Variants in KCNC2 observed in about 807,000 individuals in gnomAD.
The protein encoded by KCNC2 is voltage-gated potassium channel KCNC2.
Under a neutral mutation model 44.5 loss-of-function variants are expected in KCNC2, and 21 were observed. The ratio of observed to expected loss-of-function variants is 0.47; its 90% CI spans 0.33 to 0.68. KCNC2 has a LOEUF of 0.68. KCNC2 is among the 30% of genes least tolerant of loss of function. The pLI, the probability that KCNC2 is intolerant of heterozygous loss-of-function variation, is 0.01. For synonymous variants in KCNC2, 391 were observed against 339.1 expected, an observed-to-expected ratio of 1.15 and a Z score of -1.68; for missense variants, 589 against 826.2, an observed-to-expected ratio of 0.71 and a Z score of 3.52.
intron 2 of KCNC2, among the ~76,000 whole-genome samples, chr12:75,166,366 G>T (rs1207648500): frequency 1.3e-5 from 2 of 150,498 alleles, no homozygotes; most frequent in Non-Finnish European, 3.0e-5. Flanking sequence ...TGCAGTTAGT[G>T]ACTTCAATAT....
intron 3 of KCNC2, among the ~76,000 whole-genome samples, chr12:75,049,931 A>T (rs1380308905): frequency 6.6e-6 from 1 of 152,088 alleles, no homozygotes; most frequent in East Asian, 1.9e-4. Flanking sequence ...ATTCTTCTTA[A>T]ATAACTGCTT....
At chr12:75,174,126 C>T (rs1336864112) in intron 2 of KCNC2, among the ~76,000 whole-genome samples, 1 of 140,256 alleles carries the variant, frequency 7.1e-6, no homozygotes, top group African/African-American at 2.8e-5. Flanking sequence ...CTGTTCTTCA[C>T]AGTTCTAACT....
At chr12:75,110,935 C>T (rs908944528) in intron 2 of KCNC2, among the ~76,000 whole-genome samples, 1 of 152,028 alleles carries the variant, frequency 6.6e-6, no homozygotes, top group Non-Finnish European at 1.5e-5. Context: ...ATTTATGCAT[C>T]TTAAAAATAC....
intron 2 of KCNC2, among the ~76,000 whole-genome samples, chr12:75,078,410 A>T (rs1391594135): frequency 6.6e-6 from 1 of 152,274 alleles, no homozygotes; most frequent in East Asian, 1.9e-4. Flanking sequence ...ATCTTCTGTA[A>T]TTATAATGAC....
At chr12:75,050,313 A>G in intron 3 of KCNC2, 77 bp downstream of exon 3, 1 of 1,061,140 alleles carries the variant, frequency 9.4e-7, no homozygotes, top group Non-Finnish European at 1.4e-6. Flanking sequence ...GCAGAAAATG[A>G]GAATGACTGC....
intron 2 of KCNC2, among the ~76,000 whole-genome samples, chr12:75,196,664 T>C (rs2137749836): frequency 6.6e-6 from 1 of 152,176 alleles, no homozygotes; most frequent in Non-Finnish European, 1.5e-5. Flanking sequence ...AGCAAGTTGT[T>C]GAGTCAGAAT....
rs1303271806 is a variant in KCNC2 at position 75,201,280 on chromosome 12, A to AC, written c.687+6016_687+6017insG. 2.3e-4 allele frequency among the ~76,000 whole-genome samples: 29 copies of AC among 123,800 alleles called. 1 individual carries two copies. Among genetic ancestry groups the AC allele is most frequent in the Non-Finnish European group, 4.4e-4 (26 of 59,232 alleles). 81.2% of individuals were successfully genotyped at this position (123,800 alleles called of 152,430 possible). A position where few individuals can be genotyped will look rare whatever the true frequency, so the allele number is the denominator to read the frequency against. On this transcript the variant is annotated intron_variant, in intron 2 of 4. Transcript: ENST00000549446. ...GAAATTGGAAAAAAAAAAAAAAAAA[A>AC]AAAAAAAAAAAAAAAAAACCAGATT...
At chr12:75,164,899 C>A (rs1263086450) in intron 2 of KCNC2, among the ~76,000 whole-genome samples, 1 of 151,652 alleles carries the variant, frequency 6.6e-6, no homozygotes, top group African/African-American at 2.4e-5. Flanking sequence ...CAAAATCTGT[C>A]AATTTTCCAA....
At chr12:75,199,190 C>A (rs995094843) in intron 2 of KCNC2, among the ~76,000 whole-genome samples, 1 of 151,740 alleles carries the variant, frequency 6.6e-6, no homozygotes, top group African/African-American at 2.4e-5. Flanking sequence ...ACTATCTTGG[C>A]CTTTGCTCCA....
chr12:75,207,603 T>G lies in KCNC2; in HGVS notation c.381A>C (p.Ala127=). 3.7e-6 allele frequency: 6 copies of G among 1,612,024 alleles called. No homozygotes were observed. The highest frequency in any genetic ancestry group is 2.2e-5 in the East Asian group (1 of 44,844). ...CCTCGAAGAGCGGCCCGCACACGTCTGCGGGGCAGTGCAGCTTGCCGGTGC... is the reference window on the plus strand; with the variant it reads ...CCTCGAAGAGCGGCCCGCACACGTCGGCGGGGCAGTGCAGCTTGCCGGTGC... ...YYRTGKLHCP[A]DVCGPLFEEE... is the part of the protein sequence containing the mutation. The change falls in exon 2 of 5, where the codon GCA becomes GCC. Residue 127 remains alanine (A), a synonymous_variant. Coordinates refer to ENST00000549446, the MANE Select transcript of KCNC2 (RefSeq NM_139137.4). The surrounding 1 kb of genome is among the most constrained non-coding windows in gnomAD (Gnocchi z 4.1).
chr12:75,189,893 T>A (rs1233843462), intron 2 of KCNC2, among the ~76,000 whole-genome samples: 2 of 152,214 alleles, frequency 1.3e-5, no homozygotes, highest in Non-Finnish European at 2.9e-5. Flanking sequence ...GTGGATTTTC[T>A]ACCTATGAGT....
chr12:75,152,648 C>A (rs531509028), intron 2 of KCNC2, among the ~76,000 whole-genome samples: 4 of 151,990 alleles, frequency 2.6e-5, no homozygotes, highest in South Asian at 4.1e-4. Flanking sequence ...AATCGTATAA[C>A]TTACCAGTAA....
chr12:75,121,930 A>G (rs149968963), intron 2 of KCNC2, among the ~76,000 whole-genome samples: 105 of 104,782 alleles, frequency 1.0e-3, no homozygotes, highest in African/African-American at 3.8e-3. Flanking sequence ...ACTCTTGGTT[A>G]TCAGCTTCTT....
intron 2 of KCNC2, among the ~76,000 whole-genome samples, chr12:75,205,208 C>T (rs939380940): frequency 1.3e-5 from 2 of 152,148 alleles, no homozygotes; most frequent in Non-Finnish European, 2.9e-5. Context: ...ATAACTTTGG[C>T]TTTGCTATTA....
chr12:75,083,417 T>C (rs1254351289), intron 2 of KCNC2, among the ~76,000 whole-genome samples: 1 of 151,932 alleles, frequency 6.6e-6, no homozygotes, highest in Non-Finnish European at 1.5e-5. Context: ...AATGTAGTTA[T>C]TTAGCAGTGA....
rs1318072028 is a variant in KCNC2, at chr12:75,040,123, C to T, written c.*2982G>A. 6.6e-6 allele frequency: 1 copy of T among 152,036 alleles called. No individual in the cohort carries two copies. Among genetic ancestry groups the T allele is most frequent in the Non-Finnish European group, 1.5e-5 (1 of 67,976 alleles). The allele number at this position is 152,036 out of a possible 1,614,324, so 9.4% of individuals were successfully genotyped here. ...AGATAACATTCAAGTTTATCCCCAGCTCATTTGCCTTTTATTCTTCATTTC... is the reference window on the plus strand; with the variant it reads ...AGATAACATTCAAGTTTATCCCCAGTTCATTTGCCTTTTATTCTTCATTTC... On this transcript the variant is annotated 3_prime_UTR_variant, in exon 5 of 5. Transcript: ENST00000549446.
At chr12:75,122,456 G>A (rs1194330448) in intron 2 of KCNC2, among the ~76,000 whole-genome samples, 1 of 152,126 alleles carries the variant, frequency 6.6e-6, no homozygotes, top group Non-Finnish European at 1.5e-5. Context: ...CAAAGAGTAA[G>A]GCTAAAGTCC....
intron 2 of KCNC2, among the ~76,000 whole-genome samples, chr12:75,147,421 G>A (rs578118976): frequency 6.6e-6 from 1 of 152,216 alleles, no homozygotes; most frequent in African/African-American, 2.4e-5. Flanking sequence ...CTGAATATTA[G>A]GCTTTTCACT....
At chr12:75,198,624 C>T (rs938290973) in intron 2 of KCNC2, among the ~76,000 whole-genome samples, 1 of 151,760 alleles carries the variant, frequency 6.6e-6, no homozygotes, top group African/African-American at 2.4e-5. Context: ...ACATCAACAT[C>T]GGTAAGGAAG....
Sources: gnomAD v4.1 joint callset for allele counts (sites outside exome capture counted in the v4.1 genomes callset) on GRCh38, gnomAD v4.1.1 for gene constraint, Gnocchi (gnomAD v3.1) non-coding constraint, MANE v1.5 for transcripts, NCBI Gene and HGNC (gene_info 2026-07-23, HGNC 2026-07-21) for gene names.